The following HERC1 variants were observed in gnomAD, a reference collection of about 807,000 sequenced individuals.
HERC1 encodes HECT and RLD domain containing E3 ubiquitin protein ligase family member 1, also known as probable E3 ubiquitin-protein ligase HERC1.
A neutral mutation model predicts 554.3 loss-of-function variants in HERC1; 160 were observed. The ratio of observed to expected loss-of-function variants is 0.29; its 90% CI spans 0.25 to 0.33. The LOEUF (loss-of-function observed/expected upper bound fraction) is 0.33. HERC1 is among the 10% of genes least tolerant of loss of function. HERC1 has a pLI of 1.00. For missense variants in HERC1, 4,919 were observed against 5,918.5 expected (o/e 0.83, Z 5.54); for synonymous variants, 2,175 against 2,131.7 (o/e 1.02, Z -0.56).
rs745477964 is a variant in HERC1, at chr15:63,775,489, C to T, written c.135G>A (p.Lys45=). Residue 45 remains lysine, a synonymous_variant, in exon 2 of 78, where the codon AAG becomes AAA. Coordinates refer to ENST00000443617, the MANE Select transcript of HERC1 (RefSeq NM_003922.4). This position sits in a 1 kb window ranked among gnomAD's most constrained non-coding sequence, Gnocchi z 4.0. ...AVLYSKLVSN[K]EVVPLPQQVL... is the part of the protein sequence containing the mutation. ...CTTGTTGGGGCAAAGGTACTACTTC[C>T]TTATTGCTAACCAGTTTAGAATACA... 7 of 1,613,872 alleles carry T rather than the reference C, an allele frequency of 4.3e-6. No homozygotes were observed. In the African/African-American group the frequency reaches 5.3e-5, roughly 12 times the overall value.
At chr15:63,793,670 T>C (rs964373804) in intron 1 of HERC1, among the ~76,000 whole-genome samples, 28 of 152,332 alleles carry the variant, frequency 1.8e-4, no homozygotes, top group Middle Eastern at 3.4e-3. Context: ...TCACTTTCAC[T>C]TTACTCTGTG....
At chr15:63,622,480 G>A (rs915235509) in intron 74 of HERC1, among the ~76,000 whole-genome samples, 2 of 151,888 alleles carry the variant, frequency 1.3e-5, no homozygotes, top group African/African-American at 4.8e-5. Flanking sequence ...TTACAGGCAT[G>A]TGCCACCATG....
chr15:63,623,694 T>C (rs1566947868), intron 73 of HERC1, 31 bp downstream of exon 73: 5 of 1,604,736 alleles, frequency 3.1e-6, no homozygotes, highest in Admixed American at 1.7e-5. Flanking sequence ...GCAGACTAGA[T>C]AACTCAGCAG....
chr15:63,619,219 T>C (rs926533875), intron 74 of HERC1, among the ~76,000 whole-genome samples: 1 of 152,240 alleles, frequency 6.6e-6, no homozygotes, highest in Non-Finnish European at 1.5e-5. Flanking sequence ...TTGTTGAATT[T>C]TGTCAAAGGC....
At chr15:63,801,824 C>T (rs1364018703) in intron 1 of HERC1, among the ~76,000 whole-genome samples, 3 of 152,198 alleles carry the variant, frequency 2.0e-5, no homozygotes, top group African/African-American at 7.2e-5. Flanking sequence ...CATGTACATA[C>T]ATTTTTGGAT....
chr15:63,809,549 T>G (rs577338186), intron 1 of HERC1, among the ~76,000 whole-genome samples: 9 of 152,284 alleles, frequency 5.9e-5, no homozygotes, highest in African/African-American at 2.2e-4. Flanking sequence ...AGAGAAAGAA[T>G]GGCCAGGACA....
At chr15:63,781,140 A>G (rs1281738117) in intron 1 of HERC1, among the ~76,000 whole-genome samples, 1 of 152,196 alleles carries the variant, frequency 6.6e-6, no homozygotes, top group African/African-American at 2.4e-5. Flanking sequence ...AACTGTCACA[A>G]ACAGTTTTAT....
At chr15:63,733,650 T>C (rs943044742) in intron 13 of HERC1, among the ~76,000 whole-genome samples, 2 of 150,874 alleles carry the variant, frequency 1.3e-5, no homozygotes, top group Non-Finnish European at 3.0e-5. Context: ...GTCCAGGAAT[T>C]CAAGACCAGC....
At chr15:63,617,862 T>G (rs948187370) in intron 74 of HERC1, among the ~76,000 whole-genome samples, 4 of 152,230 alleles carry the variant, frequency 2.6e-5, no homozygotes, top group Admixed American at 2.6e-4. Context: ...GGTTGTTTTT[T>G]TCTTGTAAAT....
In HERC1 at chr15:63,656,114, T is replaced by C; in HGVS notation, c.9844A>G (p.Lys3282Glu). 1.2e-6 allele frequency: 2 copies of C among 1,612,972 alleles called. No individual in the cohort carries two copies. ...TGTGTACACAACTGTACAAGCAGTTTGGCAGCACTAGGAGCATTTGATGCC... is the reference window on the plus strand; with the variant it reads ...TGTGTACACAACTGTACAAGCAGTTCGGCAGCACTAGGAGCATTTGATGCC... ...CLASNAPSAA[K>E]LLVQLCTQNL... Residue 3282 changes from lysine to glutamate, a missense_variant, in exon 49 of 78, where the codon AAA (lysine) becomes GAA (glutamate). By Grantham distance (56) the Lys-to-Glu change is moderately conservative (BLOSUM62 1). This residue lies in a region of HERC1 where 1,963 missense variants were observed against 2,228.6 expected (regional missense o/e 0.88). Transcript: ENST00000443617.
Position 63,694,397 on chromosome 15 carries a change from A to G in HERC1, c.5395T>C (p.Leu1799=). The G allele has an allele frequency of 6.2e-7, 1 of 1,614,000 alleles. No homozygotes were observed. Among genetic ancestry groups the G allele is most frequent in the Non-Finnish European group, 8.5e-7 (1 of 1,179,880 alleles). ...DTMLGQPLQL[L]PKTGVSQLST... ...AGCTGGGAAACACCCGTCTTTGGCAACAACTGCAGGGGCTGTCCTAGCATG... is the reference window on the plus strand; with the variant it reads ...AGCTGGGAAACACCCGTCTTTGGCAGCAACTGCAGGGGCTGTCCTAGCATG... Residue 1799 remains leucine, a synonymous_variant, in exon 29 of 78, where the codon TTG becomes CTG. Coordinates refer to ENST00000443617, the MANE Select transcript of HERC1 (RefSeq NM_003922.4). The surrounding 1 kb of genome is among the most constrained non-coding windows in gnomAD (Gnocchi z 4.3).
chr15:63,739,826 A>T (rs867596919), intron 12 of HERC1, among the ~76,000 whole-genome samples: 6 of 152,194 alleles, frequency 3.9e-5, no homozygotes, highest in South Asian at 2.1e-4. Flanking sequence ...CGACAGAGCA[A>T]GACTCTGTCA....
intron 77 of HERC1, among the ~76,000 whole-genome samples, chr15:63,610,687 C>T (rs1300633295): frequency 6.6e-6 from 1 of 152,232 alleles, no homozygotes; most frequent in Non-Finnish European, 1.5e-5. Context: ...CAGCCTGCAG[C>T]CTCAGGAGGC....
Position 63,703,674 on chromosome 15 carries a change from G to A in HERC1, c.4636+3106C>T, listed in dbSNP as rs190187779. On this transcript the variant is annotated intron_variant, in intron 25 of 77. Transcript: ENST00000443617. ...AGGCCAAGGTGGGTGGACTGCTTGA[G>A]CCCAGTTCAAGACCAGACTGAGCAA... Among the ~76,000 whole-genome samples, 390 of 152,222 alleles carry A rather than the reference G, an allele frequency of 2.6e-3. 4 individuals carry two copies. The highest frequency in any genetic ancestry group is 8.5e-3 in the African/African-American group (352 of 41,526).
At chr15:63,771,833 A>G (rs1449501134) in intron 2 of HERC1, among the ~76,000 whole-genome samples, 1 of 152,156 alleles carries the variant, frequency 6.6e-6, no homozygotes, top group East Asian at 1.9e-4. Context: ...TGACTAGCGA[A>G]TTTGCTATTT....
chr15:63,696,787 TAA>T (rs1404274621), intron 26 of HERC1, among the ~76,000 whole-genome samples: 1 of 152,128 alleles, frequency 6.6e-6, no homozygotes, highest in East Asian at 1.9e-4. Context: ...TCTTTATTAA[TAA>T]GTTTATATAG....
At chr15:63,778,448 G>T (rs1286165004) in intron 1 of HERC1, among the ~76,000 whole-genome samples, 1 of 152,154 alleles carries the variant, frequency 6.6e-6, no homozygotes, top group African/African-American at 2.4e-5. Flanking sequence ...AAAAAGACAA[G>T]TGTTAAATAA....
At position 63,712,210 on chromosome 15, in the gene HERC1, G is replaced by C. The variant is rs1345558346; in HGVS notation, c.4584+565C>G. 2.0e-5 allele frequency among the ~76,000 whole-genome samples: 3 copies of C among 152,174 alleles called. No individual in the cohort carries two copies. In the East Asian group the frequency reaches 5.8e-4, roughly 29 times the overall value. ...GTGGAAGGTGGGCACAAGGCAAGAG[G>C]TGAGGCAACCAGTTTGAAGGCTTCT... On this transcript the variant is annotated intron_variant, in intron 24 of 77. Coordinates refer to ENST00000443617, the MANE Select transcript of HERC1 (RefSeq NM_003922.4).
At chr15:63,668,304 C>G (rs1480410449) in intron 40 of HERC1, among the ~76,000 whole-genome samples, 1 of 152,072 alleles carries the variant, frequency 6.6e-6, no homozygotes, top group Admixed American at 6.6e-5. Flanking sequence ...CCAGCCTGGG[C>G]AACATGGTAC....
Sources: allele counts gnomAD v4.1 joint callset (sites outside exome capture counted in the v4.1 genomes callset), GRCh38; gene constraint gnomAD v4.1.1; regional missense constraint gnomAD v4.1.1; non-coding constraint Gnocchi (gnomAD v3.1); transcripts MANE v1.5; gene names NCBI Gene and HGNC (gene_info 2026-07-23, HGNC 2026-07-21).